The following NKAIN2 variants were observed in gnomAD, a reference collection of about 807,000 sequenced individuals.
NKAIN2 encodes sodium/potassium-transporting ATPase subunit beta-1-interacting protein 2.
NKAIN2 carries 14 observed loss-of-function variants against 32.6 expected under a neutral mutation model. The ratio of observed to expected loss-of-function variants is 0.43; its 90% CI spans 0.28 to 0.67. The LOEUF (loss-of-function observed/expected upper bound fraction) is 0.67. Among genes scored for constraint, NKAIN2 ranks in the 30% least tolerant of loss-of-function variants. The pLI, the probability that NKAIN2 is intolerant of heterozygous loss-of-function variation, is 0.17. For missense variants in NKAIN2, 198 were observed against 258.3 expected, an observed-to-expected ratio of 0.77 and a Z score of 1.60; for synonymous variants, 80 against 87.2, an observed-to-expected ratio of 0.92 and a Z score of 0.46.
chr6:124,809,189 A>G (rs1378827909), intron 5 of NKAIN2, among the ~76,000 whole-genome samples: 1 of 152,040 alleles, frequency 6.6e-6, no homozygotes, highest in Non-Finnish European at 1.5e-5. Context: ...ATCCTAAGCC[A>G]AAAGAACAAA....
At chr6:124,801,111 A>G (rs78194225) in intron 5 of NKAIN2, among the ~76,000 whole-genome samples, 10,309 of 152,134 alleles carry the variant, frequency 0.068, 435 homozygotes, top group African/African-American at 0.12. Flanking sequence ...CAAGGCCCCA[A>G]CTTTTTCATC....
At chr6:124,597,302 G>A (rs1047211228) in intron 3 of NKAIN2, among the ~76,000 whole-genome samples, 9 of 151,862 alleles carry the variant, frequency 5.9e-5, no homozygotes, top group South Asian at 2.1e-4. Context: ...GACTAAAAAC[G>A]CATTTAATCA....
At chr6:124,149,222 A>G (rs1031706649) in intron 1 of NKAIN2, among the ~76,000 whole-genome samples, 1 of 152,148 alleles carries the variant, frequency 6.6e-6, no homozygotes, top group African/African-American at 2.4e-5. Flanking sequence ...TTTGGCAGAT[A>G]GGTGATTTGC....
At chr6:124,721,800 A>AT (rs935889514) in intron 4 of NKAIN2, among the ~76,000 whole-genome samples, 3 of 152,130 alleles carry the variant, frequency 2.0e-5, no homozygotes, top group African/African-American at 4.8e-5. Context: ...AGCAGCAGCT[A>AT]TTTTTTTAAT....
At chr6:124,108,805 T>C (rs2114965109) in intron 1 of NKAIN2, among the ~76,000 whole-genome samples, 1 of 152,194 alleles carries the variant, frequency 6.6e-6, no homozygotes, top group Admixed American at 6.6e-5. Flanking sequence ...TATTCTTTCC[T>C]GATTAGATAC....
intron 1 of NKAIN2, among the ~76,000 whole-genome samples, chr6:124,005,396 T>A (rs559013533): frequency 2.6e-4 from 39 of 152,250 alleles, no homozygotes; most frequent in Admixed American, 1.5e-3. Flanking sequence ...TACTGTAAAT[T>A]AATTTTTAGA....
At chr6:124,409,871 G>T (rs533639921) in intron 3 of NKAIN2, among the ~76,000 whole-genome samples, 7 of 152,232 alleles carry the variant, frequency 4.6e-5, no homozygotes, top group Non-Finnish European at 5.9e-5. Context: ...CAATTTCAGA[G>T]CCTGTTACTG....
At chr6:124,334,359 TAG>T (rs1486212162) in intron 2 of NKAIN2, among the ~76,000 whole-genome samples, 1 of 152,174 alleles carries the variant, frequency 6.6e-6, no homozygotes, top group East Asian at 1.9e-4. Flanking sequence ...GACAGGAGAA[TAG>T]AGAGTTTAAT....
intron 3 of NKAIN2, among the ~76,000 whole-genome samples, chr6:124,518,020 T>G (rs1490464239): frequency 2.0e-5 from 3 of 152,068 alleles, no homozygotes; most frequent in Non-Finnish European, 4.4e-5. Context: ...TTATCAACAT[T>G]TATTTTAGGA....
At chr6:124,606,933 A>G (rs1782524642) in intron 3 of NKAIN2, among the ~76,000 whole-genome samples, 1 of 152,180 alleles carries the variant, frequency 6.6e-6, no homozygotes, top group African/African-American at 2.4e-5. Context: ...CATAAATAGG[A>G]GATTAATAAC....
At chr6:124,108,251 T>C (rs185275182) in intron 1 of NKAIN2, among the ~76,000 whole-genome samples, 133 of 152,222 alleles carry the variant, frequency 8.7e-4, no homozygotes, top group Non-Finnish European at 1.5e-3. Context: ...GGTTTTAATT[T>C]ACCTTTCCTG....
chr6:124,036,767 A>G (rs1185054077), intron 1 of NKAIN2, among the ~76,000 whole-genome samples: 1 of 152,074 alleles, frequency 6.6e-6, no homozygotes, highest in Non-Finnish European at 1.5e-5. Context: ...TCTACTTCAG[A>G]AGTGTGTATG....
At chr6:124,497,670 C>A (rs188533668) in intron 3 of NKAIN2, among the ~76,000 whole-genome samples, 2 of 151,842 alleles carry the variant, frequency 1.3e-5, no homozygotes, top group Non-Finnish European at 2.9e-5. Flanking sequence ...ATATTTACTA[C>A]ATTATACACT....
chr6:124,296,081 A>C (rs1796038920), intron 2 of NKAIN2, among the ~76,000 whole-genome samples: 1 of 151,756 alleles, frequency 6.6e-6, no homozygotes, highest in Non-Finnish European at 1.5e-5. Context: ...TTTTCTTTAA[A>C]TAATGTATAA....
chr6:124,611,640 T>G (rs1202691252), intron 3 of NKAIN2, among the ~76,000 whole-genome samples: 1 of 152,194 alleles, frequency 6.6e-6, no homozygotes, highest in African/African-American at 2.4e-5. Context: ...TGGTTTTCTG[T>G]TCCTGTGGTA....
chr6:123,823,876 G>A (rs951922186), intron 1 of NKAIN2, among the ~76,000 whole-genome samples: 2 of 152,068 alleles, frequency 1.3e-5, no homozygotes, highest in Admixed American at 6.6e-5. Flanking sequence ...TTTTGATAGG[G>A]TAGTTTCATT....
chr6:124,742,644 A>G (rs376531347), intron 4 of NKAIN2, among the ~76,000 whole-genome samples: 97 of 151,952 alleles, frequency 6.4e-4, no homozygotes, highest in African/African-American at 2.3e-3. Flanking sequence ...AGGACCCTTA[A>G]CCAATACAAG....
chr6:124,420,801 C>T (rs1774711353), intron 3 of NKAIN2, among the ~76,000 whole-genome samples: 1 of 151,962 alleles, frequency 6.6e-6, no homozygotes, highest in African/African-American at 2.4e-5. Context: ...TTTTGTATAG[C>T]TTTATCTTCC....
chr6:123,982,919 A>G (rs1241326988), intron 1 of NKAIN2, among the ~76,000 whole-genome samples: 2 of 151,588 alleles, frequency 1.3e-5, no homozygotes, highest in East Asian at 3.9e-4. Context: ...CCTCCTTCCC[A>G]TTTTCCCCTT....
Sources: gnomAD v4.1 joint callset for allele counts (sites outside exome capture counted in the v4.1 genomes callset) on GRCh38, gnomAD v4.1.1 for gene constraint, MANE v1.5 for transcripts, NCBI Gene and HGNC (gene_info 2026-07-23, HGNC 2026-07-21) for gene names.